Variants in SAMD5 observed in about 807,000 individuals in gnomAD.
The protein encoded by SAMD5 is sterile alpha motif domain-containing protein 5.
A neutral mutation model predicts 11.3 loss-of-function variants in SAMD5; 13 were observed. That is an observed-to-expected ratio of 1.15 (90% confidence interval 0.75 to 1.83). The LOEUF is 1.83. Among genes scored for constraint, SAMD5 ranks in the 40% most tolerant of loss-of-function variants. The pLI, the probability that SAMD5 is intolerant of heterozygous loss-of-function variation, is 0.00. For synonymous variants in SAMD5, 129 were observed against 111.3 expected, an observed-to-expected ratio of 1.16 and a Z score of -1.00; for missense variants, 255 against 239.1, an observed-to-expected ratio of 1.07 and a Z score of -0.44.
chr6:147,580,604 T>C (rs771735501), intron 1 of SAMD5, among the ~76,000 whole-genome samples: 3 of 152,256 alleles, frequency 2.0e-5, no homozygotes, highest in Non-Finnish European at 4.4e-5. Flanking sequence ...GCAATGTAGC[T>C]AGTGTGACTG....
chr6:147,715,037 G>A (rs1791447350), intron 1 of SAMD5, among the ~76,000 whole-genome samples: 1 of 152,086 alleles, frequency 6.6e-6, no homozygotes, highest in Non-Finnish European at 1.5e-5. Flanking sequence ...TTATCTTCTT[G>A]GCATGAGGTT....
At position 147,568,513 on chromosome 6, in the gene SAMD5, A is replaced by C; in HGVS notation, c.*4057A>C. 6.1e-6 allele frequency: 6 copies of C among 985,398 alleles called. No individual in the cohort carries two copies. The highest frequency in any genetic ancestry group is 7.2e-6 in the Non-Finnish European group (6 of 829,880). The allele number at this position is 985,398 out of a possible 1,614,324, so 61.0% of individuals were successfully genotyped here. ...GAAGGGTGGAACATTGCATCTAGGGAAAATAAGAGAAATAAGTGAAAGTCT... is the reference window on the plus strand; with the variant it reads ...GAAGGGTGGAACATTGCATCTAGGGCAAATAAGAGAAATAAGTGAAAGTCT... On this transcript the variant is annotated 3_prime_UTR_variant, in exon 2 of 2. Transcript: ENST00000367474.
chr6:147,527,321 C>T (rs1788358056), intron 1 of SAMD5, among the ~76,000 whole-genome samples: 1 of 152,102 alleles, frequency 6.6e-6, no homozygotes, highest in African/African-American at 2.4e-5. Context: ...TGGTGGAAGG[C>T]AAAGTGGTGA....
the SAMD5 span, among the ~76,000 whole-genome samples, chr6:147,920,375 G>T: frequency 1.3e-5 from 2 of 152,262 alleles, no homozygotes; most frequent in Admixed American, 6.5e-5. Flanking sequence ...CCAGTGGTTT[G>T]CCAGGGGTTC....
At chr6:147,558,693 A>G (rs1242844790) in intron 1 of SAMD5, among the ~76,000 whole-genome samples, 1 of 151,906 alleles carries the variant, frequency 6.6e-6, no homozygotes, top group Non-Finnish European at 1.5e-5. Flanking sequence ...TCCGTGGCAC[A>G]GTCCCGCCCT....
the SAMD5 span, among the ~76,000 whole-genome samples, chr6:147,861,251 G>A: frequency 4.5e-4 from 68 of 151,568 alleles, no homozygotes; most frequent in African/African-American, 1.5e-3. Context: ...TGCAACCTTC[G>A]CCTCCCAGGT....
intron 1 of SAMD5, among the ~76,000 whole-genome samples, chr6:147,635,822 C>T (rs1475737262): frequency 1.3e-5 from 2 of 152,202 alleles, no homozygotes; most frequent in South Asian, 2.1e-4. Flanking sequence ...GAAACAACCC[C>T]TCTGGGGCCA....
chr6:147,667,688 C>T (rs1232102035), intron 1 of SAMD5, among the ~76,000 whole-genome samples: 1 of 152,200 alleles, frequency 6.6e-6, no homozygotes, highest in Non-Finnish European at 1.5e-5. Context: ...TGACTAGCAA[C>T]ATCATGCAGA....
At chr6:147,596,919 A>G (rs576871213) in intron 1 of SAMD5, among the ~76,000 whole-genome samples, 137 of 152,218 alleles carry the variant, frequency 9.0e-4, no homozygotes, top group Middle Eastern at 3.4e-3. Context: ...CCCATTTCAG[A>G]GGAAATGGGT....
chr6:147,675,729 T>C (rs1273148086), intron 1 of SAMD5, among the ~76,000 whole-genome samples: 8 of 152,194 alleles, frequency 5.3e-5, no homozygotes, highest in African/African-American at 1.7e-4. Context: ...TAAATGTAGA[T>C]TTTAGGATGT....
At chr6:147,926,464 G>A in the SAMD5 span, among the ~76,000 whole-genome samples, 295 of 95,056 alleles carry the variant, frequency 3.1e-3, no homozygotes, top group African/African-American at 0.017. Context: ...TCATATGCTT[G>A]TTGGACACGT....
At chr6:147,627,266 C>A (rs183708356) in intron 1 of SAMD5, among the ~76,000 whole-genome samples, 59 of 152,292 alleles carry the variant, frequency 3.9e-4, no homozygotes, top group Non-Finnish European at 1.3e-4. Context: ...GAGAGCACCT[C>A]CTGACCAACT....
the SAMD5 span, among the ~76,000 whole-genome samples, chr6:147,885,473 T>G: frequency 6.6e-6 from 1 of 152,114 alleles, no homozygotes; most frequent in Admixed American, 6.6e-5. Flanking sequence ...AACAAAATAT[T>G]TTGTTTCCTC....
chr6:147,808,863 C>T, the SAMD5 span, among the ~76,000 whole-genome samples: 3 of 152,038 alleles, frequency 2.0e-5, no homozygotes, highest in African/African-American at 7.2e-5. Flanking sequence ...GCACAATAAT[C>T]CATTTCCTTT....
At chr6:147,652,154 C>T (rs1344677725) in intron 1 of SAMD5, among the ~76,000 whole-genome samples, 1 of 152,210 alleles carries the variant, frequency 6.6e-6, no homozygotes, top group African/African-American at 2.4e-5. Flanking sequence ...GCATTTTCCA[C>T]TGTAACTGCA....
At chr6:147,634,323 G>C (rs939765544) in intron 1 of SAMD5, among the ~76,000 whole-genome samples, 3 of 152,162 alleles carry the variant, frequency 2.0e-5, no homozygotes, top group African/African-American at 7.2e-5. Flanking sequence ...AGAGCAGAAG[G>C]AAGAAAGGAG....
At chr6:147,698,753 C>T (rs945506056) in intron 1 of SAMD5, among the ~76,000 whole-genome samples, 9 of 152,242 alleles carry the variant, frequency 5.9e-5, no homozygotes, top group Admixed American at 2.0e-4. Flanking sequence ...GACAAGCAAT[C>T]GACTGGTAAA....
At chr6:147,945,681 A>G in the SAMD5 span, among the ~76,000 whole-genome samples, 1 of 152,242 alleles carries the variant, frequency 6.6e-6, no homozygotes, top group African/African-American at 2.4e-5. Context: ...GTGACTGAAC[A>G]ATGGTGGCAG....
At chr6:147,714,860 C>G (rs1791445188) in intron 1 of SAMD5, among the ~76,000 whole-genome samples, 1 of 152,150 alleles carries the variant, frequency 6.6e-6, no homozygotes, top group Non-Finnish European at 1.5e-5. Flanking sequence ...TCCTCCTTAT[C>G]CATCCATTTC....
Sources: allele counts gnomAD v4.1 joint callset (sites outside exome capture counted in the v4.1 genomes callset), GRCh38; gene constraint gnomAD v4.1.1; transcripts MANE v1.5; gene names NCBI Gene and HGNC (gene_info 2026-07-23, HGNC 2026-07-21).